ZBTB41: variants seen among roughly 807,000 people sequenced by gnomAD.
ZBTB41 encodes zinc finger and BTB domain containing 41.
ZBTB41 carries 42 observed loss-of-function variants against 87.6 expected under a neutral mutation model. That is an observed-to-expected ratio of 0.48 (90% CI 0.37 to 0.62). The LOEUF is 0.62. ZBTB41 is among the 20% of genes least tolerant of loss of function. The pLI is 0.00. For missense variants in ZBTB41, 799 were observed against 1,078.9 expected (o/e 0.74, Z 3.63); for synonymous variants, 364 against 364.0 (o/e 1.00, Z 0.00).
At chr1:197,165,312 T>A (rs1659309640) in intron 10 of ZBTB41, among the ~76,000 whole-genome samples, 1 of 151,786 alleles carries the variant, frequency 6.6e-6, no homozygotes, top group African/African-American at 2.4e-5. Flanking sequence ...AATATGAAAT[T>A]AAAAATGAGG....
chr1:197,183,584 G>A (rs1659809782), intron 5 of ZBTB41, among the ~76,000 whole-genome samples: 1 of 152,140 alleles, frequency 6.6e-6, no homozygotes, highest in Non-Finnish European at 1.5e-5. Context: ...GTAGTAAAAT[G>A]TAATGATTTA....
intron 10 of ZBTB41, among the ~76,000 whole-genome samples, chr1:197,169,583 ATCCT>A (rs550718253): frequency 6.6e-6 from 1 of 151,990 alleles, no homozygotes; most frequent in South Asian, 2.1e-4. Flanking sequence ...GCCATAGAGA[ATCCT>A]TCTGAAATCT....
In ZBTB41 at chr1:197,179,404, G is replaced by A. The variant is rs1332953587; in HGVS notation, c.1677-892C>T. Among the ~76,000 whole-genome samples the A allele has an allele frequency of 2.6e-5, 4 of 152,054 alleles. No homozygotes were observed. In the East Asian group the frequency reaches 5.8e-4, roughly 22 times the overall value. On this transcript the variant is annotated intron_variant, in intron 6 of 10. Transcript: ENST00000367405. ...CATACTACATTGCCAACTGTATATA[G>A]GCATAGCACATACAATTGTGTCCAG...
At chr1:197,170,079 G>A (rs571513942) in intron 10 of ZBTB41, among the ~76,000 whole-genome samples, 2 of 151,968 alleles carry the variant, frequency 1.3e-5, no homozygotes, top group East Asian at 1.9e-4. Flanking sequence ...CTTATTTGAA[G>A]CAATTAGGTG....
rs540284715 is a variant in ZBTB41 at position 197,190,871 on chromosome 1, T to C, written c.1329-40A>G. On this transcript the variant is annotated intron_variant, in intron 3 of 10. Coordinates refer to ENST00000367405, the MANE Select transcript of ZBTB41 (RefSeq NM_194314.3). ...GAAAAAGATTATTAGGAAAAGGTTA[T>C]ATTAGTTAAATCAATATTCCATGTG... is the stretch of plus-strand genomic sequence containing the variant. The C allele has an allele frequency of 5.3e-6, 7 of 1,325,036 alleles. No individual in the cohort carries two copies. The Admixed American group carries it at 6.2e-5, about 12-fold the overall frequency. 82.1% of individuals were successfully genotyped at this position (1,325,036 alleles called of 1,614,324 possible).
At chr1:197,175,243 C>T (rs962148494) in intron 8 of ZBTB41, 128 bp from the exon 9 acceptor site, 8 of 697,894 alleles carry the variant, frequency 1.1e-5, no homozygotes, top group Non-Finnish European at 1.8e-5. Context: ...ACATTTTATT[C>T]TGCACTATTT....
chr1:197,190,367 A>G (rs1659997880), intron 4 of ZBTB41, among the ~76,000 whole-genome samples: 1 of 152,168 alleles, frequency 6.6e-6, no homozygotes, highest in Non-Finnish European at 1.5e-5. Flanking sequence ...TAACACACAA[A>G]AGGGTGAGAC....
chr1:197,185,973 C>G (rs1659871677), intron 5 of ZBTB41, among the ~76,000 whole-genome samples: 1 of 151,964 alleles, frequency 6.6e-6, no homozygotes, highest in Non-Finnish European at 1.5e-5. Flanking sequence ...CAAACTGATT[C>G]TAAAGTTAAT....
chr1:197,160,096 A>G, intron 10 of ZBTB41, 82 bp from the exon 11 acceptor site: 1 of 1,082,046 alleles, frequency 9.2e-7, no homozygotes, highest in South Asian at 1.5e-5. Flanking sequence ...CAAACTTCCA[A>G]TGTGAATACT....
chr1:197,201,165 C>T (rs565295711), intron 1 of ZBTB41, among the ~76,000 whole-genome samples, 58 bp downstream of exon 1: 31 of 152,344 alleles, frequency 2.0e-4, no homozygotes, highest in African/African-American at 7.5e-4. Flanking sequence ...TTGTAGTCGG[C>T]GATCCCGCTA....
Position 197,159,353 on chromosome 1 carries a change from A to T in ZBTB41, c.*6T>A, listed in dbSNP as rs533458117. On this transcript the variant is annotated 3_prime_UTR_variant, in exon 11 of 11. Coordinates refer to ENST00000367405, the MANE Select transcript of ZBTB41 (RefSeq NM_194314.3). ...ATCCAAAAATCTGTGGAATGTTTAG[A>T]TTTACTCATGAATGATGCTCATTCG... is the stretch of plus-strand genomic sequence containing the variant. 1.8e-4 allele frequency: 287 copies of T among 1,612,656 alleles called. 2 individuals are homozygous for T. In the South Asian group the frequency reaches 3.0e-3, roughly 17 times the overall value.
intron 4 of ZBTB41, among the ~76,000 whole-genome samples, chr1:197,189,376 A>C (rs1029853730): frequency 6.6e-6 from 1 of 151,972 alleles, no homozygotes; most frequent in Non-Finnish European, 1.5e-5. Context: ...AAATACAAAA[A>C]TTAGTTGGGC....
chr1:197,177,119 G>A (rs556189120), intron 7 of ZBTB41, among the ~76,000 whole-genome samples: 34 of 152,218 alleles, frequency 2.2e-4, no homozygotes, highest in African/African-American at 7.9e-4. Flanking sequence ...AAATGGTATG[G>A]TTTGGCTCTG....
chr1:197,197,623 C>T (rs750640510), intron 2 of ZBTB41, among the ~76,000 whole-genome samples: 4 of 144,024 alleles, frequency 2.8e-5, no homozygotes, highest in Non-Finnish European at 4.6e-5. Flanking sequence ...AGCAAAATGT[C>T]CTCCTCTTAG....
At position 197,188,299 on chromosome 1, in the gene ZBTB41, G is replaced by C; in HGVS notation, c.1539C>G (p.Phe513Leu). 6.2e-7 allele frequency: 1 copy of C among 1,612,594 alleles called. No homozygotes were observed. Among genetic ancestry groups the C allele is most frequent in the Non-Finnish European group, 8.5e-7 (1 of 1,179,634 alleles). ...AAAAAGTAACTTGCTTACCCAGATG[G>C]AACTTTTCTTGATGCTTTAACCGAG... ...RFARLKHQEK[F>L]HLGPFPCDIC... Residue 513 changes from phenylalanine (F) to leucine (L), a missense_variant, in exon 5 of 11, where the codon TTC becomes TTG. Phe to Leu is a conservative substitution (Grantham distance 22). This residue lies in a region of ZBTB41 where 198 missense variants were observed against 358.4 expected (regional missense o/e 0.55). Transcript: ENST00000367405.
rs774263532 is a variant in ZBTB41, at chr1:197,190,846, GAA to G, written c.1329-17_1329-16del. The stretch of plus-strand genomic sequence containing the variant: ...CAGGATGAAATCTATCAGAGGAAAA[GAA>G]AAAGATTATTAGGAAAAGGTTATAT... On this transcript the variant is annotated splice_polypyrimidine_tract_variant and intron_variant, in intron 3 of 10. Transcript: ENST00000367405. The G allele has an allele frequency of 1.6e-4, 246 of 1,510,788 alleles. No individual in the cohort carries two copies. The highest frequency in any genetic ancestry group is 2.0e-4 in the Non-Finnish European group (225 of 1,101,970). 93.6% of individuals were successfully genotyped at this position (1,510,788 alleles called of 1,614,324 possible).
chr1:197,172,106 T>C (rs1166290232), intron 10 of ZBTB41, 54 bp downstream of exon 10: 1 of 585,646 alleles, frequency 1.7e-6, no homozygotes, highest in East Asian at 4.0e-5. Context: ...CTGATTACAC[T>C]ATATATATCT....
intron 2 of ZBTB41, among the ~76,000 whole-genome samples, chr1:197,195,823 A>G (rs368687164): frequency 3.3e-4 from 50 of 152,322 alleles, no homozygotes; most frequent in African/African-American, 1.2e-3. Context: ...GCTGAGAGGA[A>G]GACAGCCGGT....
intron 10 of ZBTB41, among the ~76,000 whole-genome samples, chr1:197,160,829 G>A (rs184120106): frequency 6.6e-6 from 1 of 152,218 alleles, no homozygotes; most frequent in Non-Finnish European, 1.5e-5. Flanking sequence ...GCGTACACAG[G>A]TGAGTCAAAT....
Sources: gnomAD v4.1 joint callset for allele counts (sites outside exome capture counted in the v4.1 genomes callset) on GRCh38, gnomAD v4.1.1 for gene constraint, gnomAD v4.1.1 regional missense constraint, MANE v1.5 for transcripts, NCBI Gene and HGNC (gene_info 2026-07-23, HGNC 2026-07-21) for gene names.